The following WIPF1 variants were observed in gnomAD, a reference collection of about 807,000 sequenced individuals.
WIPF1 encodes WAS/WASL-interacting protein family member 1.
A neutral mutation model predicts 35.4 loss-of-function variants in WIPF1; 13 were observed. The ratio of observed to expected loss-of-function variants is 0.37; its 90% CI spans 0.24 to 0.58. WIPF1 has a LOEUF of 0.58. Ranked by LOEUF, WIPF1 falls within the 20% of genes least tolerant of loss-of-function variation. The probability of loss-of-function intolerance (pLI) is 0.74; values close to 1 mark genes in which losing one functional copy is unlikely to be tolerated. For missense variants in WIPF1, 591 were observed against 667.0 expected (o/e 0.89, Z 1.25); for synonymous variants, 267 against 266.3 (o/e 1.00, Z -0.02).
intron 1 of WIPF1, among the ~76,000 whole-genome samples, chr2:174,668,642 T>C (rs886417188): frequency 3.3e-5 from 5 of 152,120 alleles, no homozygotes; most frequent in African/African-American, 1.2e-4. Flanking sequence ...CAGAGCAAAG[T>C]TAATGCTGGA....
At chr2:174,668,127 C>A (rs1006736153) in intron 1 of WIPF1, among the ~76,000 whole-genome samples, 3 of 152,110 alleles carry the variant, frequency 2.0e-5, no homozygotes, top group African/African-American at 4.8e-5. Flanking sequence ...TTGGTCCTGC[C>A]CAGTAAAAAA....
intron 1 of WIPF1, among the ~76,000 whole-genome samples, chr2:174,620,773 C>T (rs1356822071): frequency 6.6e-6 from 1 of 152,080 alleles, no homozygotes; most frequent in Non-Finnish European, 1.5e-5. Context: ...GCACATGATG[C>T]CGTGGGGGTG....
chr2:174,676,289 TC>T (rs1688128943), intron 1 of WIPF1: 1 of 85,428 alleles, frequency 1.2e-5, no homozygotes, highest in Non-Finnish European at 2.3e-5. Context: ...CCTCCCTCCC[TC>T]CCTTCCTTCC....
intron 1 of WIPF1, chr2:174,682,630 T>C (rs1574878181): frequency 6.6e-6 from 1 of 150,978 alleles, no homozygotes; most frequent in African/African-American, 2.4e-5. Flanking sequence ...GGACGCGGCC[T>C]CGACGTCCCC....
Position 174,622,823 on chromosome 2 carries a change from A to G in WIPF1, c.-38-37212T>C, listed in dbSNP as rs1421758846. ...TCTTTGTTTTGATTTTCCAGAGGTTACAGAGCTGCCAAGTCTGGGATTTGA... is the reference window on the plus strand; with the variant it reads ...TCTTTGTTTTGATTTTCCAGAGGTTGCAGAGCTGCCAAGTCTGGGATTTGA... On this transcript the variant is annotated intron_variant, in intron 1 of 8. Coordinates refer to the WIPF1 transcript ENST00000272746. The surrounding 1 kb of genome is among the most constrained non-coding windows in gnomAD (Gnocchi z 5.1). Among the ~76,000 whole-genome samples, 1 of 152,228 alleles carries G rather than the reference A, an allele frequency of 6.6e-6. No homozygotes were observed. The highest frequency in any genetic ancestry group is 2.4e-5 in the African/African-American group (1 of 41,462).
chr2:174,646,226 C>A (rs1055875830), intron 1 of WIPF1, among the ~76,000 whole-genome samples: 2 of 152,124 alleles, frequency 1.3e-5, no homozygotes, highest in African/African-American at 4.8e-5. Context: ...CAAGAGAACA[C>A]CTAATTAATA....
intron 1 of WIPF1, among the ~76,000 whole-genome samples, chr2:174,587,987 C>A (rs1349566992): frequency 2.6e-5 from 4 of 152,204 alleles, no homozygotes; most frequent in Non-Finnish European, 5.9e-5. Flanking sequence ...CAATTAGTCA[C>A]CCATAGGGCC....
chr2:174,677,206 G>C (rs571844749), intron 1 of WIPF1: 20 of 151,996 alleles, frequency 1.3e-4, no homozygotes, highest in Non-Finnish European at 2.4e-4. Context: ...CCACTCTTAG[G>C]ATCAAATTTG....
In WIPF1 at chr2:174,564,132, G is replaced by A. The variant is rs142232113; in HGVS notation, c.1457-1530C>T. ...GTACTGCTCAGGGCTGTCTGGGTGC[G>A]CTCTCAGGCTGTGGGCTTGGAGGCT... On this transcript the variant is annotated intron_variant, in intron 7 of 7. Transcript: ENST00000679041. Among the ~76,000 whole-genome samples the A allele has an allele frequency of 2.1e-4, 32 of 152,302 alleles. 1 individual carries two copies. In the East Asian group the frequency reaches 2.3e-3, roughly 11 times the overall value.
intron 1 of WIPF1, among the ~76,000 whole-genome samples, chr2:174,608,014 A>G (rs529210956): frequency 6.6e-6 from 1 of 152,314 alleles, no homozygotes; most frequent in African/African-American, 2.4e-5. Flanking sequence ...TTGCTCTCCA[A>G]AAAGACCTGG....
chr2:174,644,417 A>G (rs1687359120), intron 1 of WIPF1, among the ~76,000 whole-genome samples: 1 of 150,962 alleles, frequency 6.6e-6, no homozygotes, highest in South Asian at 2.1e-4. Flanking sequence ...GCTGCCAGGT[A>G]TCCATATTCA....
At chr2:174,637,311 A>T (rs1687204260) in intron 1 of WIPF1, among the ~76,000 whole-genome samples, 1 of 151,886 alleles carries the variant, frequency 6.6e-6, no homozygotes, top group Admixed American at 6.6e-5. Flanking sequence ...CATGTATAGT[A>T]CCTCCCCAAC....
chr2:174,605,742 T>C (rs934398826), intron 1 of WIPF1, among the ~76,000 whole-genome samples: 2 of 152,044 alleles, frequency 1.3e-5, no homozygotes, highest in African/African-American at 4.8e-5. Context: ...ACAAAATTGA[T>C]CATGAAATAG....
At chr2:174,593,784 C>G (rs941397894) in intron 1 of WIPF1, among the ~76,000 whole-genome samples, 1 of 152,224 alleles carries the variant, frequency 6.6e-6, no homozygotes, top group South Asian at 2.1e-4. Flanking sequence ...CATCCCTTCC[C>G]CCCAGCATGT....
At chr2:174,620,013 A>G (rs529339569) in intron 1 of WIPF1, among the ~76,000 whole-genome samples, 9 of 152,214 alleles carry the variant, frequency 5.9e-5, no homozygotes, top group African/African-American at 2.2e-4. Context: ...GGTTTAGAAA[A>G]CCTTTATCTT....
chr2:174,611,384 C>A (rs1686340540), intron 1 of WIPF1, among the ~76,000 whole-genome samples: 1 of 152,008 alleles, frequency 6.6e-6, no homozygotes, highest in African/African-American at 2.4e-5. Flanking sequence ...CAAAAACAAA[C>A]AAACAAAAAA....
chr2:174,629,119 A>AG (rs1686935409), intron 1 of WIPF1, among the ~76,000 whole-genome samples: 1 of 152,164 alleles, frequency 6.6e-6, no homozygotes, highest in Non-Finnish European at 1.5e-5. Context: ...AGGCTGAGGC[A>AG]GGAGAATTGC....
At chr2:174,651,631 C>A (rs1451652197) in intron 1 of WIPF1, among the ~76,000 whole-genome samples, 1 of 152,136 alleles carries the variant, frequency 6.6e-6, no homozygotes, top group Non-Finnish European at 1.5e-5. Flanking sequence ...GTGGTTCTCA[C>A]AATCAAGATC....
At chr2:174,660,470 G>A (rs779055597) in intron 1 of WIPF1, among the ~76,000 whole-genome samples, 3 of 152,084 alleles carry the variant, frequency 2.0e-5, no homozygotes, top group Non-Finnish European at 2.9e-5. Context: ...ACATTCCCAG[G>A]GCAGAGATTT....
Sources: allele counts gnomAD v4.1 joint callset (sites outside exome capture counted in the v4.1 genomes callset), GRCh38; gene constraint gnomAD v4.1.1; non-coding constraint Gnocchi (gnomAD v3.1); transcripts MANE v1.5; gene names NCBI Gene and HGNC (gene_info 2026-07-23, HGNC 2026-07-21).